The following ACER2 variants were observed in gnomAD, a reference collection of about 807,000 sequenced individuals.
ACER2 encodes alkCDase 2.
Under a neutral mutation model 34.7 loss-of-function variants are expected in ACER2, and 26 were observed. That is an observed-to-expected ratio of 0.75 (90% CI 0.55 to 1.04). The LOEUF (loss-of-function observed/expected upper bound fraction) is 1.04, where lower values mean the gene tolerates loss of function less well. ACER2 is among the 50% of genes least tolerant of loss of function. The probability of loss-of-function intolerance (pLI) is 0.00; values close to 1 mark genes in which losing one functional copy is unlikely to be tolerated. For missense variants in ACER2, 352 were observed against 340.8 expected (o/e 1.03, Z -0.26); for synonymous variants, 138 against 132.1 (o/e 1.04, Z -0.31).
chr9:19,444,054 G>A (rs539825850), intron 4 of ACER2, among the ~76,000 whole-genome samples: 4 of 151,646 alleles, frequency 2.6e-5, no homozygotes, highest in South Asian at 2.1e-4. Context: ...GAGAGAATGC[G>A]CTAAGGCAGG....
At chr9:19,421,040 T>C (rs1468746781) in intron 1 of ACER2, among the ~76,000 whole-genome samples, 1 of 152,208 alleles carries the variant, frequency 6.6e-6, no homozygotes, top group Non-Finnish European at 1.5e-5. Context: ...CCAGGCCATA[T>C]GGTATGGCCT....
intron 3 of ACER2, among the ~76,000 whole-genome samples, chr9:19,434,021 C>T (rs1411971936): frequency 1.4e-4 from 20 of 140,522 alleles, no homozygotes; most frequent in East Asian, 6.3e-4. Flanking sequence ...TCAGACGGGG[C>T]GGCTGCCGGG....
intron 4 of ACER2, among the ~76,000 whole-genome samples, chr9:19,441,171 T>C (rs755561539): frequency 6.6e-6 from 1 of 151,188 alleles, no homozygotes; most frequent in Non-Finnish European, 1.5e-5. Context: ...TGCCTCAGCC[T>C]CCCAAGTAGC....
At chr9:19,450,331 C>T in intron 5 of ACER2, 119 bp from the exon 6 acceptor site, 3 of 1,369,616 alleles carry the variant, frequency 2.2e-6, no homozygotes, top group Non-Finnish European at 2.8e-6. Flanking sequence ...GAAGAGGCCC[C>T]TGGGCTGCAA....
At chr9:19,423,611 GA>G (rs1415741545) in intron 1 of ACER2, among the ~76,000 whole-genome samples, 1 of 152,224 alleles carries the variant, frequency 6.6e-6, no homozygotes, top group East Asian at 1.9e-4. Context: ...TGAGGCAGGG[GA>G]ATTGCTTGAA....
intron 3 of ACER2, among the ~76,000 whole-genome samples, chr9:19,432,166 C>G (rs1183514446): frequency 2.0e-5 from 3 of 152,178 alleles, no homozygotes; most frequent in Non-Finnish European, 4.4e-5. Context: ...AATTATTTGT[C>G]TAAGACTTGT....
intron 2 of ACER2, 161 bp from the exon 3 acceptor site, chr9:19,424,539 A>G: frequency 1.0e-6 from 1 of 985,408 alleles, no homozygotes; most frequent in African/African-American, 1.7e-5. Context: ...GGAGGCATGC[A>G]TGCTTGGGTG....
chr9:19,410,521 G>A (rs1256537969), intron 1 of ACER2, among the ~76,000 whole-genome samples: 1 of 152,160 alleles, frequency 6.6e-6, no homozygotes, highest in Non-Finnish European at 1.5e-5. Context: ...ACCAACCTGG[G>A]CAACATGGCG....
At position 19,432,588 on chromosome 9, in the gene ACER2, G is replaced by T. The variant is rs547997547; in HGVS notation, c.366-2359G>T. Among the ~76,000 whole-genome samples the T allele has an allele frequency of 5.5e-3, 809 of 148,420 alleles. 8 individuals carry two copies. The highest frequency in any genetic ancestry group is 0.019 in the African/African-American group (773 of 40,684). On this transcript the variant is annotated intron_variant, in intron 3 of 5. Transcript: ENST00000340967. ...TGGGTGTATGTGTGTGTATATATAT[G>T]ATTTATTAAATATAATTTTTATTTA... is the stretch of plus-strand genomic sequence containing the variant.
chr9:19,444,239 T>C (rs1589067222), intron 4 of ACER2, among the ~76,000 whole-genome samples: 1 of 134,722 alleles, frequency 7.4e-6, no homozygotes, highest in African/African-American at 2.9e-5. Context: ...TGAGACGGAG[T>C]CTTGCTCTGT....
chr9:19,413,288 T>A (rs1321973925), intron 1 of ACER2, among the ~76,000 whole-genome samples: 1 of 152,212 alleles, frequency 6.6e-6, no homozygotes, highest in Non-Finnish European at 1.5e-5. Context: ...ATTGAGTTCC[T>A]TTTTATGTTT....
chr9:19,450,201 A>G, intron 5 of ACER2: 2 of 985,396 alleles, frequency 2.0e-6, no homozygotes, highest in South Asian at 4.7e-5. Flanking sequence ...TTATTTGCAC[A>G]TTTGTTCCTA....
chr9:19,410,012 C>G, intron 1 of ACER2: 1 of 865,558 alleles, frequency 1.2e-6, no homozygotes, highest in Middle Eastern at 5.8e-4. Flanking sequence ...TTGTGTATGT[C>G]CATGGCTCAG....
intron 1 of ACER2, among the ~76,000 whole-genome samples, chr9:19,417,514 T>C (rs997999543): frequency 1.6e-4 from 24 of 152,258 alleles, no homozygotes; most frequent in Admixed American, 3.3e-4. Flanking sequence ...TGTACCAAAA[T>C]AGATATATAG....
chr9:19,437,187 C>T (rs1831004923), intron 4 of ACER2, among the ~76,000 whole-genome samples: 1 of 152,360 alleles, frequency 6.6e-6, no homozygotes, highest in South Asian at 2.1e-4. Context: ...CAGCTATCTG[C>T]TGGGTATCCC....
intron 5 of ACER2, among the ~76,000 whole-genome samples, chr9:19,448,712 TTA>T (rs1831460078): frequency 6.6e-6 from 1 of 152,210 alleles, no homozygotes; most frequent in Non-Finnish European, 1.5e-5. Context: ...TTGAGAAAAA[TTA>T]TATTTTGTTT....
chr9:19,428,713 C>G (rs1286063143), intron 3 of ACER2, among the ~76,000 whole-genome samples: 1 of 148,852 alleles, frequency 6.7e-6, no homozygotes, highest in Non-Finnish European at 1.5e-5. Context: ...AGTACAATGG[C>G]TCACACAGAG....
At position 19,442,915 on chromosome 9, in the gene ACER2, C is replaced by T. The variant is rs1252246548; in HGVS notation, c.504-3366C>T. Among the ~76,000 whole-genome samples, 7 of 152,118 alleles carry T rather than the reference C, an allele frequency of 4.6e-5. No individual in the cohort carries two copies. The East Asian group carries it at 1.3e-3, about 29-fold the overall frequency. On this transcript the variant is annotated intron_variant, in intron 4 of 5. Transcript: ENST00000340967. ...TGGCACTATCTCGGCTCACTGCAAC[C>T]TCCGCCTCCTGGGTTCAAGCGATTC...
intron 4 of ACER2, 97 bp from the exon 5 acceptor site, chr9:19,446,184 G>T: frequency 6.4e-7 from 1 of 1,554,768 alleles, no homozygotes; most frequent in African/African-American, 1.4e-5. Context: ...GGGGTTGTAG[G>T]CATGAGAGGA....
Sources: gnomAD v4.1 joint callset for allele counts (sites outside exome capture counted in the v4.1 genomes callset) on GRCh38, gnomAD v4.1.1 for gene constraint, MANE v1.5 for transcripts, NCBI Gene and HGNC (gene_info 2026-07-23, HGNC 2026-07-21) for gene names.